Variants in SLC39A11 observed in about 807,000 individuals in gnomAD.
The protein encoded by SLC39A11 is zinc transporter ZIP11.
A neutral mutation model predicts 36.1 loss-of-function variants in SLC39A11; 33 were observed. The observed-to-expected ratio is 0.91, with a 90% CI of 0.69 to 1.22. The LOEUF (loss-of-function observed/expected upper bound fraction) is 1.22, where lower values mean the gene tolerates loss of function less well. Ranked by LOEUF, SLC39A11 falls within the 50% of genes most tolerant of loss-of-function variation. SLC39A11 has a pLI of 0.00. For missense variants in SLC39A11, 432 were observed against 430.3 expected, an observed-to-expected ratio of 1.00 and a Z score of -0.03; for synonymous variants, 166 against 170.3, an observed-to-expected ratio of 0.97 and a Z score of 0.20.
At chr17:72,712,002 G>A (rs1012552560) in intron 7 of SLC39A11, among the ~76,000 whole-genome samples, 1 of 152,224 alleles carries the variant, frequency 6.6e-6, no homozygotes, top group Non-Finnish European at 1.5e-5. Flanking sequence ...TTAAAATGAA[G>A]GCTGCAAAGC....
At chr17:73,040,939 C>T (rs1161427363) in intron 3 of SLC39A11, among the ~76,000 whole-genome samples, 3 of 149,984 alleles carry the variant, frequency 2.0e-5, no homozygotes, top group East Asian at 3.9e-4. Context: ...GAGACAAAAT[C>T]ACACCACTGT....
intron 5 of SLC39A11, among the ~76,000 whole-genome samples, chr17:72,897,747 A>G (rs2146853052): frequency 6.6e-6 from 1 of 152,318 alleles, no homozygotes; most frequent in South Asian, 2.1e-4. Context: ...GCCTGTGCCT[A>G]TTAGAGGGAA....
intron 6 of SLC39A11, among the ~76,000 whole-genome samples, chr17:72,846,469 C>A (rs1032719299): frequency 1.3e-5 from 2 of 152,256 alleles, no homozygotes; most frequent in Non-Finnish European, 2.9e-5. Flanking sequence ...CATTTAAGAT[C>A]ATCAAATATT....
chr17:73,035,598 C>T (rs1386888400), intron 3 of SLC39A11, among the ~76,000 whole-genome samples: 1 of 151,908 alleles, frequency 6.6e-6, no homozygotes, highest in East Asian at 1.9e-4. Context: ...TTGAGTGGGA[C>T]CAATGTAACC....
At chr17:72,699,184 C>A (rs2072486098) in intron 7 of SLC39A11, among the ~76,000 whole-genome samples, 1 of 152,170 alleles carries the variant, frequency 6.6e-6, no homozygotes, top group Admixed American at 6.5e-5. Flanking sequence ...GGTGTCCAAT[C>A]TTTTGGCTTC....
intron 3 of SLC39A11, among the ~76,000 whole-genome samples, chr17:73,055,250 G>C (rs774220455): frequency 6.6e-6 from 1 of 152,032 alleles, no homozygotes; most frequent in African/African-American, 2.4e-5. Flanking sequence ...GTGACATTGG[G>C]GTGGGGCAGA....
intron 3 of SLC39A11, among the ~76,000 whole-genome samples, chr17:73,051,313 A>C (rs2059490916): frequency 6.6e-6 from 1 of 152,156 alleles, no homozygotes; most frequent in East Asian, 1.9e-4. Flanking sequence ...CCATGACAGT[A>C]ACTTGTTTAT....
intron 6 of SLC39A11, among the ~76,000 whole-genome samples, chr17:72,752,441 C>T (rs2075192916): frequency 6.6e-6 from 1 of 151,946 alleles, no homozygotes; most frequent in South Asian, 2.1e-4. Flanking sequence ...GATGGGGTTT[C>T]ACCATGTTGG....
At chr17:72,806,575 A>G (rs2077265675) in intron 6 of SLC39A11, among the ~76,000 whole-genome samples, 1 of 151,912 alleles carries the variant, frequency 6.6e-6, no homozygotes, top group African/African-American at 2.4e-5. Flanking sequence ...GAAAGTTTTT[A>G]TTGTATCACT....
chr17:72,701,105 T>C (rs891808486), intron 7 of SLC39A11, among the ~76,000 whole-genome samples: 1 of 152,230 alleles, frequency 6.6e-6, no homozygotes, highest in Non-Finnish European at 1.5e-5. Flanking sequence ...TCACATTCCA[T>C]CCCAGTGGCA....
At position 72,760,381 on chromosome 17, in the gene SLC39A11, A is replaced by C. The variant is rs1234509095; in HGVS notation, c.602-23662T>G. 2.0e-5 allele frequency among the ~76,000 whole-genome samples: 3 copies of C among 152,320 alleles called. No homozygotes were observed. The East Asian group carries it at 5.8e-4, about 29-fold the overall frequency. On this transcript the variant is annotated intron_variant, in intron 6 of 9. Transcript: ENST00000255559. The stretch of plus-strand genomic sequence containing the variant: ...TTTAGAAAAGACATCCAAGAAAACC[A>C]TCTGCTTCCTGTAGAGAGCCAGTAT...
chr17:72,934,042 A>C (rs945167998), intron 5 of SLC39A11, among the ~76,000 whole-genome samples: 1 of 152,040 alleles, frequency 6.6e-6, no homozygotes, highest in East Asian at 1.9e-4. Flanking sequence ...AAAAAAAAAA[A>C]CTCAACCTTG....
intron 3 of SLC39A11, among the ~76,000 whole-genome samples, chr17:73,083,556 C>CTATAAAAA (rs1568247675): frequency 6.6e-6 from 1 of 152,116 alleles, no homozygotes; most frequent in Non-Finnish European, 1.5e-5. Context: ...CATCTTCATG[C>CTATAAAAA]CTGAAAAATG....
At chr17:72,958,285 C>T (rs963617833) in intron 4 of SLC39A11, among the ~76,000 whole-genome samples, 4 of 152,188 alleles carry the variant, frequency 2.6e-5, no homozygotes, top group African/African-American at 9.7e-5. Flanking sequence ...AAAAACCCTT[C>T]TAGACATTGG....
chr17:72,969,378 T>C (rs2087259150), intron 4 of SLC39A11, among the ~76,000 whole-genome samples: 1 of 151,318 alleles, frequency 6.6e-6, no homozygotes, highest in Non-Finnish European at 1.5e-5. Flanking sequence ...AAAAAGGGGG[T>C]GGGACCAACA....
chr17:72,943,166 C>A (rs995833279), intron 5 of SLC39A11, among the ~76,000 whole-genome samples: 7 of 152,258 alleles, frequency 4.6e-5, no homozygotes, highest in East Asian at 1.9e-4. Flanking sequence ...CCATCGTGTT[C>A]CCGAACAGGA....
At chr17:72,712,384 A>C (rs2073141429) in intron 7 of SLC39A11, among the ~76,000 whole-genome samples, 1 of 152,226 alleles carries the variant, frequency 6.6e-6, no homozygotes, top group Admixed American at 6.5e-5. Flanking sequence ...TTCTCACTCC[A>C]TCTTGAAAGA....
At chr17:72,785,935 T>TA (rs72061957) in intron 6 of SLC39A11, among the ~76,000 whole-genome samples, 23,695 of 152,000 alleles carry the variant, frequency 0.16, 2,357 homozygotes, top group African/African-American at 0.28. Context: ...CGTTTATGCT[T>TA]AAAAAAAATT....
At chr17:72,932,012 T>C (rs1027162364) in intron 5 of SLC39A11, among the ~76,000 whole-genome samples, 1 of 152,202 alleles carries the variant, frequency 6.6e-6, no homozygotes, top group Non-Finnish European at 1.5e-5. Context: ...CTATAATTTA[T>C]CACATCGATT....
Sources: gnomAD v4.1 joint callset for allele counts (sites outside exome capture counted in the v4.1 genomes callset) on GRCh38, gnomAD v4.1.1 for gene constraint, MANE v1.5 for transcripts, NCBI Gene and HGNC (gene_info 2026-07-23, HGNC 2026-07-21) for gene names.